Variants in DYNC1H1 observed in about 807,000 individuals in gnomAD.
DYNC1H1 encodes the protein cytoplasmic dynein 1 heavy chain 1.
A neutral mutation model predicts 527.1 loss-of-function variants in DYNC1H1; 51 were observed. The observed-to-expected ratio is 0.10, with a 90% confidence interval of 0.08 to 0.12. The LOEUF is 0.12. Among genes scored for constraint, DYNC1H1 ranks in the 10% least tolerant of loss-of-function variants. The pLI, the probability that DYNC1H1 is intolerant of heterozygous loss-of-function variation, is 1.00. For synonymous variants in DYNC1H1, 2,189 were observed against 2,278.8 expected, an observed-to-expected ratio of 0.96 and a Z score of 1.12; for missense variants, 2,771 against 5,971.8, an observed-to-expected ratio of 0.46 and a Z score of 17.66.
intron 1 of DYNC1H1, among the ~76,000 whole-genome samples, chr14:101,971,128 T>C (rs2047733914): frequency 7.0e-6 from 1 of 143,112 alleles, no homozygotes; most frequent in Non-Finnish European, 1.5e-5. Context: ...GGCAGGGTCT[T>C]GCTCTGTCGC....
At chr14:102,047,757 C>T (rs2152600078) in intron 72 of DYNC1H1, 60 bp from the exon 73 acceptor site, 1 of 1,604,658 alleles carries the variant, frequency 6.2e-7, no homozygotes, top group East Asian at 2.2e-5. Flanking sequence ...CCTTTTCCCT[C>T]TGTGATTTCT....
In DYNC1H1 at chr14:101,983,341, A is replaced by G. The variant is rs760115240; in HGVS notation, c.1234-41A>G. ...AACCTCAAGACATTGAGATGAAAAT[A>G]TGTCTTAATAATAAGCCTCACTTTT... On this transcript the variant is annotated intron_variant, in intron 6 of 77. Coordinates refer to ENST00000360184, the MANE Select transcript of DYNC1H1 (RefSeq NM_001376.5). This position sits in a 1 kb window ranked among gnomAD's most constrained non-coding sequence, Gnocchi z 5.3. 1.5e-5 allele frequency: 25 copies of G among 1,613,988 alleles called. No homozygotes were observed. The highest frequency in any genetic ancestry group is 1.9e-5 in the Non-Finnish European group (22 of 1,179,932).
Position 102,048,548 on chromosome 14 carries a change from G to A in DYNC1H1, c.13251G>A (p.Val4417=), listed in dbSNP as rs1388727689. 6.2e-7 allele frequency: 1 copy of A among 1,614,214 alleles called. No homozygotes were observed. The highest frequency in any genetic ancestry group is 1.7e-5 in the Admixed American group (1 of 60,028). ...TGTTCAGGTTCTTTGAGAGAGAAGT[G>A]AAGATGGGCGCAAAGCTGCTTCAGG... ...DPLFRFFERE[V]KMGAKLLQDV... The change falls in exon 74 of 78, where the codon GTG becomes GTA. Residue 4417 remains valine, a synonymous_variant. Coordinates refer to ENST00000360184, the MANE Select transcript of DYNC1H1 (RefSeq NM_001376.5).
In DYNC1H1 at chr14:102,039,830, CTTTTATTTTCTTTA is replaced by C; in HGVS notation, c.11690+108_11690+121del. On this transcript the variant is annotated intron_variant, in intron 62 of 77. Transcript: ENST00000360184. The surrounding 1 kb of genome is among the most constrained non-coding windows in gnomAD (Gnocchi z 7.0). The stretch of plus-strand genomic sequence containing the variant: ...GCTTTTATTATTTCTTTTATTTTCT[CTTTTATTTTCTTTA>C]TTTTATTTTTTGAGACGGAGTCTCC... 1.4e-6 allele frequency: 2 copies of C among 1,383,854 alleles called. No individual in the cohort carries two copies. Among genetic ancestry groups the C allele is most frequent in the Non-Finnish European group, 1.0e-6 (1 of 999,112 alleles). The allele number at this position is 1,383,854 out of a possible 1,614,324, so 85.7% of individuals were successfully genotyped here.
At position 102,012,301 on chromosome 14, in the gene DYNC1H1, C is replaced by T; in HGVS notation, c.6858-13C>T. The T allele has an allele frequency of 3.1e-6, 5 of 1,614,160 alleles. No homozygotes were observed. Among genetic ancestry groups the T allele is most frequent in the Non-Finnish European group, 4.2e-6 (5 of 1,180,032 alleles). Reference sequence around the variant, plus strand: ...ATTTAATCAGCAGCTATTTTAAAATCCTTCCCAACCAGGATCATCGACAGC... The same window carrying T: ...ATTTAATCAGCAGCTATTTTAAAATTCTTCCCAACCAGGATCATCGACAGC... On this transcript the variant is annotated splice_polypyrimidine_tract_variant and intron_variant, in intron 33 of 77. Coordinates refer to ENST00000360184, the MANE Select transcript of DYNC1H1 (RefSeq NM_001376.5). The surrounding 1 kb of genome is among the most constrained non-coding windows in gnomAD (Gnocchi z 4.9).
In DYNC1H1 at chr14:102,038,632, G is replaced by T; in HGVS notation, c.11055+26G>T. On this transcript the variant is annotated intron_variant, in intron 58 of 77. Coordinates refer to ENST00000360184, the MANE Select transcript of DYNC1H1 (RefSeq NM_001376.5). This position sits in a 1 kb window ranked among gnomAD's most constrained non-coding sequence, Gnocchi z 7.2. Reference sequence around the variant, plus strand: ...GTAAGGAATGGGACCCTTCCCCAGGGAAATCTGGCAGGATGTGGTTTTGAA... The same window carrying T: ...GTAAGGAATGGGACCCTTCCCCAGGTAAATCTGGCAGGATGTGGTTTTGAA... 1 of 1,614,214 alleles carries T rather than the reference G, an allele frequency of 6.2e-7. No homozygotes were observed. Among genetic ancestry groups the T allele is most frequent in the Non-Finnish European group, 8.5e-7 (1 of 1,180,030 alleles).
chr14:102,022,817 C>T lies in DYNC1H1; in HGVS notation c.8574C>T (p.Phe2858=), dbSNP rs778246294. 6.2e-7 allele frequency: 1 copy of T among 1,614,218 alleles called. No homozygotes were observed. The highest frequency in any genetic ancestry group is 1.7e-5 in the Admixed American group (1 of 60,030). ...TCGACACGGTTGCTCTGAAGCACTTCCCTAACATCGACAGAGAGAAGGCAA... is the reference window on the plus strand; with the variant it reads ...TCGACACGGTTGCTCTGAAGCACTTTCCTAACATCGACAGAGAGAAGGCAA... The part of the protein sequence containing the change: ...ENIDTVALKH[F]PNIDREKAMS... Residue 2858 remains phenylalanine (F), a synonymous_variant, in exon 43 of 78, where the codon TTC becomes TTT. Transcript: ENST00000360184.
chr14:102,043,283 C>CAAAA lies in DYNC1H1; in HGVS notation c.12513+549_12513+552dup, dbSNP rs10673572. On this transcript the variant is annotated intron_variant, in intron 69 of 77. Coordinates refer to ENST00000360184, the MANE Select transcript of DYNC1H1 (RefSeq NM_001376.5). ...TGGGCGAAAGAGCAAGACCCCGTCT[C>CAAAA]AAAAAAAAAAAAAAAAAGACCTGTC... 2.6e-3 allele frequency: 303 copies of CAAAA among 118,272 alleles called. 3 individuals are homozygous for CAAAA. Among genetic ancestry groups the CAAAA allele is most frequent in the African/African-American group, 9.1e-3 (284 of 31,056 alleles). 7.3% of individuals were successfully genotyped at this position (118,272 alleles called of 1,614,324 possible). A position where few individuals can be genotyped will look rare whatever the true frequency, so the allele number is the denominator to read the frequency against.
rs1454124462 is a variant in DYNC1H1 at position 102,038,890 on chromosome 14, G to A, written c.11206+42G>A. 1.2e-6 allele frequency: 2 copies of A among 1,613,932 alleles called. No individual in the cohort carries two copies. Among genetic ancestry groups the A allele is most frequent in the Non-Finnish European group, 1.7e-6 (2 of 1,180,044 alleles). On this transcript the variant is annotated intron_variant, in intron 59 of 77. Transcript: ENST00000360184. This position sits in a 1 kb window ranked among gnomAD's most constrained non-coding sequence, Gnocchi z 7.2. The stretch of plus-strand genomic sequence containing the variant: ...TGGCTTTTAGATGGTTGGTGCAGGG[G>A]AAGGGGCTGAACTTTTAAGTGACTA...
Position 102,016,289 on chromosome 14 carries a change from G to T in DYNC1H1, c.7474-60G>T, listed in dbSNP as rs1595617397. The T allele has an allele frequency of 6.2e-7, 1 of 1,603,256 alleles. No homozygotes were observed. The highest frequency in any genetic ancestry group is 2.3e-5 in the East Asian group (1 of 44,392). On this transcript the variant is annotated intron_variant, in intron 36 of 77. Coordinates refer to ENST00000360184, the MANE Select transcript of DYNC1H1 (RefSeq NM_001376.5). The surrounding 1 kb of genome is among the most constrained non-coding windows in gnomAD (Gnocchi z 7.3). ...TGTCTTTAGGTTAACTTTGCTGTAA[G>T]TGTCTTTCTTTTGTTGTTGAAATTT...
In DYNC1H1 at chr14:101,980,346, G is replaced by A. The variant is rs1439135751; in HGVS notation, c.775-18G>A. On this transcript the variant is annotated intron_variant, in intron 4 of 77. Coordinates refer to ENST00000360184, the MANE Select transcript of DYNC1H1 (RefSeq NM_001376.5). The stretch of plus-strand genomic sequence containing the variant: ...GTTTAAATAGTGAATACCCTTGGGT[G>A]TTATTTTATTTTCAAAGGTGACCAA... 1 of 1,613,556 alleles carries A rather than the reference G, an allele frequency of 6.2e-7. No individual in the cohort carries two copies. Among genetic ancestry groups the A allele is most frequent in the Non-Finnish European group, 8.5e-7 (1 of 1,179,812 alleles).
chr14:101,967,970 A>G (rs1016621150), intron 1 of DYNC1H1, among the ~76,000 whole-genome samples: 13 of 152,376 alleles, frequency 8.5e-5, no homozygotes, highest in African/African-American at 3.1e-4. Context: ...AAACCTTTGT[A>G]TAGTTCCTGG....
intron 52 of DYNC1H1, 163 bp from the exon 53 acceptor site, chr14:102,032,902 A>C (rs938569047): frequency 4.2e-6 from 3 of 707,030 alleles, no homozygotes; most frequent in East Asian, 5.2e-5. Context: ...GCACATTTTC[A>C]GCTTTCACCT....
At chr14:102,024,399 C>T (rs2048424808) in intron 43 of DYNC1H1, among the ~76,000 whole-genome samples, 1 of 152,164 alleles carries the variant, frequency 6.6e-6, no homozygotes. Context: ...GAGGAAAGAG[C>T]AGGACAGAGG....
intron 1 of DYNC1H1, among the ~76,000 whole-genome samples, chr14:101,970,974 T>TG (rs1315264042): frequency 6.6e-6 from 1 of 151,628 alleles, no homozygotes; most frequent in Non-Finnish European, 1.5e-5. Flanking sequence ...GTGCAGGAGT[T>TG]GGGCAGCCTC....
In DYNC1H1 at chr14:102,042,906, G is replaced by T. The variant is rs932783436; in HGVS notation, c.12513+158G>T. Reference sequence around the variant, plus strand: ...GCTGTAGGTAAAATTTCCTTCCATGGCCGGGCACCGTGGCTCACACTGGTA... The same window carrying T: ...GCTGTAGGTAAAATTTCCTTCCATGTCCGGGCACCGTGGCTCACACTGGTA... On this transcript the variant is annotated intron_variant, in intron 69 of 77. Coordinates refer to ENST00000360184, the MANE Select transcript of DYNC1H1 (RefSeq NM_001376.5). The surrounding 1 kb of genome is among the most constrained non-coding windows in gnomAD (Gnocchi z 5.7). The T allele has an allele frequency of 2.4e-6, 2 of 835,954 alleles. No homozygotes were observed. The highest frequency in any genetic ancestry group is 2.0e-6 in the Non-Finnish European group (1 of 512,120). 51.8% of individuals were successfully genotyped at this position (835,954 alleles called of 1,614,324 possible).
intron 9 of DYNC1H1, 84 bp downstream of exon 9, chr14:101,987,716 A>AT: frequency 6.7e-7 from 1 of 1,495,568 alleles, no homozygotes; most frequent in South Asian, 1.1e-5. Flanking sequence ...ACTAAAAAGC[A>AT]TTTTTCCTTG....
At position 101,991,007 on chromosome 14, in the gene DYNC1H1, CAAAAAA is replaced by C. The variant is rs113053648; in HGVS notation, c.2869-507_2869-502del. 1.7e-3 allele frequency among the ~76,000 whole-genome samples: 116 copies of C among 68,446 alleles called. 1 individual carries two copies. Among genetic ancestry groups the C allele is most frequent in the Non-Finnish European group, 3.1e-3 (97 of 31,672 alleles). The allele number at this position is 68,446 out of a possible 152,430, so 44.9% of individuals were successfully genotyped here. A position where few individuals can be genotyped will look rare whatever the true frequency, so the allele number is the denominator to read the frequency against. Reference sequence around the variant, plus strand: ...CTGGCGACAGAGTGAGACTCCGTCTCAAAAAAAAAAAAAAAAAATACAAAAATTAAC... The same window carrying C: ...CTGGCGACAGAGTGAGACTCCGTCTCAAAAAAAAAAAATACAAAAATTAAC... On this transcript the variant is annotated intron_variant, in intron 10 of 77. Coordinates refer to ENST00000360184, the MANE Select transcript of DYNC1H1 (RefSeq NM_001376.5).
chr14:102,045,436 T>G (rs950960996), intron 72 of DYNC1H1: 5 of 133,954 alleles, frequency 3.7e-5, no homozygotes, highest in African/African-American at 1.3e-4. Flanking sequence ...CATGGTGAAA[T>G]CCCATCTCTA....
Sources: allele counts gnomAD v4.1 joint callset (sites outside exome capture counted in the v4.1 genomes callset), GRCh38; gene constraint gnomAD v4.1.1; non-coding constraint Gnocchi (gnomAD v3.1); transcripts MANE v1.5; gene names NCBI Gene and HGNC (gene_info 2026-07-23, HGNC 2026-07-21).